The following ELAVL2 variants were observed in gnomAD, a reference collection of about 807,000 sequenced individuals.
ELAVL2 encodes the protein ELAV-like protein 2.
In ELAVL2, 4 loss-of-function variants were observed where a neutral mutation model predicts 34.6. That is an observed-to-expected ratio of 0.12 (90% CI 0.06 to 0.26). The LOEUF (loss-of-function observed/expected upper bound fraction) is 0.26. Ranked by LOEUF, ELAVL2 falls within the 10% of genes least tolerant of loss-of-function variation. The pLI, the probability that ELAVL2 is intolerant of heterozygous loss-of-function variation, is 1.00. For synonymous variants in ELAVL2, 193 were observed against 154.8 expected (o/e 1.25, Z -1.83); for missense variants, 432 against 442.8 (o/e 0.98, Z 0.22).
Position 23,712,095 on chromosome 9 carries a change from A to G in ELAVL2, c.334-7024T>C, listed in dbSNP as rs1042710645. On this transcript the variant is annotated intron_variant, in intron 3 of 6. Coordinates refer to ENST00000397312, the MANE Select transcript of ELAVL2 (RefSeq NM_004432.5). ...TGATAGGAGGCTGTGGGGCGGGGGGAGTCTTAATTTTGGAGCAAAAAGAAA... is the reference window on the plus strand; with the variant it reads ...TGATAGGAGGCTGTGGGGCGGGGGGGGTCTTAATTTTGGAGCAAAAAGAAA... Among the ~76,000 whole-genome samples, 10 of 152,054 alleles carry G rather than the reference A, an allele frequency of 6.6e-5. No homozygotes were observed. The South Asian group carries it at 1.9e-3, about 28-fold the overall frequency.
chr9:23,790,925 CCTAGAGTCTCAGAGCTGCACAGA>C (rs2060251692), intron 1 of ELAVL2, among the ~76,000 whole-genome samples: 1 of 152,136 alleles, frequency 6.6e-6, no homozygotes. Flanking sequence ...GTACAGAGTG[CCTAGAGTCTCAGAGCTGCACAGA>C]CACCAGCAGA....
the ELAVL2 span, among the ~76,000 whole-genome samples, chr9:23,835,916 T>C: frequency 1.3e-5 from 2 of 152,200 alleles, no homozygotes; most frequent in Non-Finnish European, 2.9e-5. Context: ...AAATGTATCA[T>C]ATAATTTGAT....
intron 1 of ELAVL2, among the ~76,000 whole-genome samples, chr9:23,786,648 G>T (rs1717723941): frequency 6.6e-6 from 1 of 152,048 alleles, no homozygotes; most frequent in African/African-American, 2.4e-5. Flanking sequence ...GCTATAAGAA[G>T]CTTGGAGGAA....
chr9:23,834,882 TATAATA>T, the ELAVL2 span, among the ~76,000 whole-genome samples: 3 of 152,094 alleles, frequency 2.0e-5, no homozygotes, highest in Non-Finnish European at 2.9e-5. Flanking sequence ...ATTTGACTGA[TATAATA>T]ATAAAAACAC....
chr9:23,789,370 T>G (rs2060074996), intron 1 of ELAVL2, among the ~76,000 whole-genome samples: 1 of 152,222 alleles, frequency 6.6e-6, no homozygotes, highest in Admixed American at 6.5e-5. Context: ...ATTTATATAT[T>G]AAGTGATTTA....
intron 1 of ELAVL2, among the ~76,000 whole-genome samples, chr9:23,774,319 G>A (rs1285120625): frequency 1.3e-5 from 2 of 151,784 alleles, no homozygotes; most frequent in African/African-American, 2.4e-5. Context: ...CATCTAAATG[G>A]ACAGCAAGGC....
intron 1 of ELAVL2, among the ~76,000 whole-genome samples, chr9:23,796,407 A>T (rs1238366145): frequency 6.6e-6 from 1 of 152,250 alleles, no homozygotes; most frequent in East Asian, 1.9e-4. Flanking sequence ...GACATCACAT[A>T]AAAGGACTCT....
At chr9:23,725,481 CA>C (rs2044865093) in intron 3 of ELAVL2, among the ~76,000 whole-genome samples, 2 of 152,314 alleles carry the variant, frequency 1.3e-5, no homozygotes, top group South Asian at 4.1e-4. Flanking sequence ...TACTGGGTGG[CA>C]AGCCCTTAGC....
intron 3 of ELAVL2, among the ~76,000 whole-genome samples, chr9:23,728,554 C>T (rs539095270): frequency 3.3e-4 from 50 of 151,936 alleles, no homozygotes; most frequent in Admixed American, 5.9e-4. Flanking sequence ...AGCAGTAACA[C>T]GAGTAAAGTG....
intron 1 of ELAVL2, among the ~76,000 whole-genome samples, chr9:23,797,210 A>G (rs1458665217): frequency 6.6e-6 from 1 of 152,196 alleles, no homozygotes; most frequent in Non-Finnish European, 1.5e-5. Context: ...AATTCTACTT[A>G]AGCCCAAAAG....
intron 1 of ELAVL2, among the ~76,000 whole-genome samples, chr9:23,807,360 A>G (rs1170698923): frequency 6.6e-6 from 1 of 152,074 alleles, no homozygotes; most frequent in African/African-American, 2.4e-5. Flanking sequence ...GTCTTTTCCA[A>G]TTGCTTAGAG....
At chr9:23,755,350 T>C (rs1204739968) in intron 2 of ELAVL2, among the ~76,000 whole-genome samples, 3 of 152,180 alleles carry the variant, frequency 2.0e-5, no homozygotes, top group African/African-American at 4.8e-5. Flanking sequence ...AATTGTTCTA[T>C]AAAAATACCC....
At chr9:23,736,579 A>G (rs1330963377) in intron 2 of ELAVL2, among the ~76,000 whole-genome samples, 1 of 152,164 alleles carries the variant, frequency 6.6e-6, no homozygotes, top group Non-Finnish European at 1.5e-5. Flanking sequence ...AACTAGCTCA[A>G]GTCTAACAGT....
chr9:23,791,782 A>G (rs2060351450), intron 1 of ELAVL2, among the ~76,000 whole-genome samples: 1 of 152,190 alleles, frequency 6.6e-6, no homozygotes, highest in African/African-American at 2.4e-5. Context: ...CAACACTACC[A>G]AAACCTTGAT....
chr9:23,796,908 T>G (rs2060998295), intron 1 of ELAVL2, among the ~76,000 whole-genome samples: 1 of 152,192 alleles, frequency 6.6e-6, no homozygotes, highest in Non-Finnish European at 1.5e-5. Context: ...TAACCCCATT[T>G]TCCTCATTCC....
intron 1 of ELAVL2, among the ~76,000 whole-genome samples, chr9:23,784,252 G>GTA (rs2059422662): frequency 6.6e-6 from 1 of 152,082 alleles, no homozygotes; most frequent in Non-Finnish European, 1.5e-5. Flanking sequence ...AACAAGACAG[G>GTA]TACTAAGGGA....
intron 3 of ELAVL2, among the ~76,000 whole-genome samples, chr9:23,712,812 G>A (rs1234963203): frequency 6.6e-6 from 1 of 152,038 alleles, no homozygotes; most frequent in East Asian, 1.9e-4. Context: ...AGGCGACCTA[G>A]GAATAAATAA....
In ELAVL2 at chr9:23,754,137, CAT is replaced by C. The variant is rs200023825; in HGVS notation, c.229+7867_229+7868del. Among the ~76,000 whole-genome samples, 1,416 of 152,212 alleles carry C rather than the reference CAT, an allele frequency of 9.3e-3. 16 individuals carry two copies. Among genetic ancestry groups the C allele is most frequent in the African/African-American group, 0.031 (1,302 of 41,532 alleles). On this transcript the variant is annotated intron_variant, in intron 2 of 6. Transcript: ENST00000397312. ...GTATAACTGTCTCGTGGGAGTGACACATATTTTTTTTTACATTTTATTCTAAC... is the reference window on the plus strand; with the variant it reads ...GTATAACTGTCTCGTGGGAGTGACACATTTTTTTTTACATTTTATTCTAAC...
At chr9:23,693,285 TTTC>T (rs2033859652) in intron 6 of ELAVL2, among the ~76,000 whole-genome samples, 160 bp downstream of exon 6, 1 of 152,152 alleles carries the variant, frequency 6.6e-6, no homozygotes. Flanking sequence ...GGTATAAAAA[TTTC>T]TTGAGTCAAT....
Sources: gnomAD v4.1 joint callset for allele counts (sites outside exome capture counted in the v4.1 genomes callset) on GRCh38, gnomAD v4.1.1 for gene constraint, MANE v1.5 for transcripts, NCBI Gene and HGNC (gene_info 2026-07-23, HGNC 2026-07-21) for gene names.